Variants in NIPSNAP3B observed in about 807,000 individuals in gnomAD.
The protein encoded by NIPSNAP3B is protein NipSnap homolog 3B.
NIPSNAP3B carries 30 observed loss-of-function variants against 31.5 expected under a neutral mutation model. That is an observed-to-expected ratio of 0.95 (90% CI 0.71 to 1.29). The LOEUF (loss-of-function observed/expected upper bound fraction) is 1.29. Among genes scored for constraint, NIPSNAP3B ranks in the 50% most tolerant of loss-of-function variants. NIPSNAP3B has a pLI of 0.00. For missense variants in NIPSNAP3B, 269 were observed against 300.7 expected, an observed-to-expected ratio of 0.89 and a Z score of 0.78; for synonymous variants, 106 against 107.9, an observed-to-expected ratio of 0.98 and a Z score of 0.11.
Position 104,766,489 on chromosome 9 carries a change from A to G in NIPSNAP3B, c.225A>G (p.Val75=), listed in dbSNP as rs113913269. Residue 75 remains valine (V), a synonymous_variant, in exon 2 of 6, where the codon GTA becomes GTG. Transcript: ENST00000374762. The part of the protein sequence containing the change: ...SYSELVGFWS[V]EFGGRTNKVF... ...CTGAATTGGTTGGATTCTGGAGTGTAGAATTTGGAGGCAGAACGAATAAAG... is the reference window on the plus strand; with the variant it reads ...CTGAATTGGTTGGATTCTGGAGTGTGGAATTTGGAGGCAGAACGAATAAAG... 15 of 1,613,656 alleles carry G rather than the reference A, an allele frequency of 9.3e-6. No homozygotes were observed. The East Asian group carries it at 3.1e-4, about 34-fold the overall frequency.
chr9:104,788,674 C>T, the NIPSNAP3B span: 1 of 1,332,154 alleles, frequency 7.5e-7, no homozygotes, highest in African/African-American at 1.4e-5. Flanking sequence ...TACAAAGATA[C>T]CAATACATCT....
At chr9:104,787,030 T>C in the NIPSNAP3B span, 2 of 1,531,636 alleles carry the variant, frequency 1.3e-6, no homozygotes, top group Non-Finnish European at 1.8e-6. Flanking sequence ...AAATCAAAGA[T>C]AAATTTGTTT....
intron 3 of NIPSNAP3B, 125 bp from the exon 4 acceptor site, chr9:104,770,724 C>A: frequency 1.4e-6 from 1 of 699,796 alleles, no homozygotes; most frequent in Non-Finnish European, 2.4e-6. Flanking sequence ...AATGTGACTG[C>A]ATATGTATGT....
the NIPSNAP3B span, among the ~76,000 whole-genome samples, chr9:104,789,362 G>C: frequency 6.6e-6 from 1 of 152,220 alleles, no homozygotes; most frequent in Admixed American, 6.5e-5. Context: ...GCAAGCCTAG[G>C]AAAGCAGTTG....
chr9:104,780,006 G>A (rs557968571), downstream of NIPSNAP3B, among the ~76,000 whole-genome samples: 2 of 152,292 alleles, frequency 1.3e-5, no homozygotes, highest in South Asian at 4.1e-4. Flanking sequence ...CAGCCTGGAC[G>A]ACAGAGCGAG....
At chr9:104,790,885 G>A in the NIPSNAP3B span, 7 of 1,372,850 alleles carry the variant, frequency 5.1e-6, no homozygotes, top group Non-Finnish European at 7.3e-6. Context: ...TAAAAACAAA[G>A]TCTTTGCAGC....
In NIPSNAP3B at chr9:104,764,190, A is replaced by G; in HGVS notation, c.-51A>G. 6.5e-7 allele frequency: 1 copy of G among 1,536,920 alleles called. No homozygotes were observed. Among genetic ancestry groups the G allele is most frequent in the Non-Finnish European group, 8.9e-7 (1 of 1,128,846 alleles). ...TTTCCACTCGGGAAGACTTCAGAGA[A>G]GTCTCACAAAGGACTCGGCTGGCTG... On this transcript the variant is annotated 5_prime_UTR_variant, in exon 1 of 6. Coordinates refer to ENST00000374762, the MANE Select transcript of NIPSNAP3B (RefSeq NM_018376.4).
In NIPSNAP3B at chr9:104,774,293, GC is replaced by G. The variant is rs1828288498; in HGVS notation, c.*1221del. ...TCATTTATCAGGCTCTAAGCGATCT[GC>G]AGTTTATCTGGGCTATTATGCAATG... On this transcript the variant is annotated 3_prime_UTR_variant, in exon 6 of 6. Coordinates refer to ENST00000374762, the MANE Select transcript of NIPSNAP3B (RefSeq NM_018376.4). Among the ~76,000 whole-genome samples the G allele has an allele frequency of 6.6e-6, 1 of 152,172 alleles. No homozygotes were observed. Among genetic ancestry groups the G allele is most frequent in the Non-Finnish European group, 1.5e-5 (1 of 68,034 alleles).
At chr9:104,779,479 G>C (rs535611079), downstream of NIPSNAP3B, among the ~76,000 whole-genome samples, 7 of 152,228 alleles carry the variant, frequency 4.6e-5, no homozygotes, top group South Asian at 1.5e-3. Flanking sequence ...GACTGAACCT[G>C]TACCTTTGGA....
chr9:104,773,110 C>G lies in NIPSNAP3B; in HGVS notation c.*37C>G, dbSNP rs1248456840. 6.3e-7 allele frequency: 1 copy of G among 1,585,236 alleles called. No homozygotes were observed. The highest frequency in any genetic ancestry group is 1.3e-5 in the African/African-American group (1 of 74,244). On this transcript the variant is annotated 3_prime_UTR_variant, in exon 6 of 6. Coordinates refer to ENST00000374762, the MANE Select transcript of NIPSNAP3B (RefSeq NM_018376.4). ...AATACAAAACATTTCATTAACTGCT[C>G]TAAGATGTGTCTGCTAATGGTGCTT...
intron 3 of NIPSNAP3B, among the ~76,000 whole-genome samples, chr9:104,769,453 C>CAAAAAAAAA (rs34083177): frequency 9.1e-6 from 1 of 109,430 alleles, no homozygotes; most frequent in Admixed American, 1.1e-4. Context: ...GACTCCGTCT[C>CAAAAAAAAA]AAAAAAAAAA....
downstream of NIPSNAP3B, among the ~76,000 whole-genome samples, chr9:104,778,580 A>T (rs367547252): frequency 1.3e-5 from 2 of 152,270 alleles, no homozygotes; most frequent in Admixed American, 6.5e-5. Context: ...TTCAGACTGA[A>T]ATACCCACTG....
the NIPSNAP3B span, chr9:104,783,978 G>A: frequency 3.2e-4 from 70 of 219,362 alleles, no homozygotes; most frequent in Middle Eastern, 1.6e-3. Flanking sequence ...CAACCCCAAT[G>A]AGAATACACA....
chr9:104,781,447 A>G (rs186459020), downstream of NIPSNAP3B: 1 of 152,734 alleles, frequency 6.5e-6, no homozygotes, highest in Admixed American at 6.5e-5. Context: ...CTCAATATCA[A>G]AGTGGTTCAG....
Position 104,775,114 on chromosome 9 carries a change from C to T in NIPSNAP3B, c.*2041C>T, listed in dbSNP as rs57365304. Among the ~76,000 whole-genome samples the T allele has an allele frequency of 6.6e-6, 1 of 151,916 alleles. No individual in the cohort carries two copies. The highest frequency in any genetic ancestry group is 6.5e-5 in the Admixed American group (1 of 15,278). ...TGAAGGATGTGGCTTAGGCAGTTTT[C>T]CTGTCTCCTGAAGCCACAGTATTCC... is the stretch of plus-strand genomic sequence containing the variant. On this transcript the variant is annotated 3_prime_UTR_variant, in exon 6 of 6. Coordinates refer to ENST00000374762, the MANE Select transcript of NIPSNAP3B (RefSeq NM_018376.4).
At chr9:104,784,556 G>A in the NIPSNAP3B span, 3 of 1,393,916 alleles carry the variant, frequency 2.2e-6, no homozygotes, top group South Asian at 2.4e-5. Context: ...TCAAGTAGGA[G>A]CATACAGAAT....
At position 104,771,366 on chromosome 9, in the gene NIPSNAP3B, C is replaced by T. The variant is rs187339034; in HGVS notation, c.580+368C>T. ...TATCTTTTCTAATCCTCTCCCTCCT[C>T]CCATCTTCCATTCTCAAGTAGACCC... On this transcript the variant is annotated intron_variant, in intron 4 of 5. Transcript: ENST00000374762. 58 of 157,288 alleles carry T rather than the reference C, an allele frequency of 3.7e-4. No homozygotes were observed. In the East Asian group the frequency reaches 0.01, roughly 28 times the overall value. The allele number at this position is 157,288 out of a possible 1,614,324, so 9.7% of individuals were successfully genotyped here.
At chr9:104,784,095 C>T in the NIPSNAP3B span, 1 of 556,974 alleles carries the variant, frequency 1.8e-6, no homozygotes, top group Non-Finnish European at 3.2e-6. Flanking sequence ...AAGTCTTTCA[C>T]TTGAGAGCCA....
At chr9:104,765,674 A>G (rs1234786658) in intron 1 of NIPSNAP3B, among the ~76,000 whole-genome samples, 1 of 152,146 alleles carries the variant, frequency 6.6e-6, no homozygotes, top group Non-Finnish European at 1.5e-5. Flanking sequence ...TCATTTGTTG[A>G]GTTTTTTTCC....
Sources: gnomAD v4.1 joint callset for allele counts (sites outside exome capture counted in the v4.1 genomes callset) on GRCh38, gnomAD v4.1.1 for gene constraint, MANE v1.5 for transcripts, NCBI Gene and HGNC (gene_info 2026-07-23, HGNC 2026-07-21) for gene names.